ASTN2: variants seen among roughly 807,000 people sequenced by gnomAD.
ASTN2 encodes the protein astrotactin-2.
A neutral mutation model predicts 139.8 loss-of-function variants in ASTN2; 54 were observed. The observed-to-expected ratio is 0.39, with a 90% CI of 0.31 to 0.48. ASTN2 has a LOEUF of 0.48. Among genes scored for constraint, ASTN2 ranks in the 20% least tolerant of loss-of-function variants. The probability of loss-of-function intolerance (pLI) is 0.95; values close to 1 mark genes in which losing one functional copy is unlikely to be tolerated. For synonymous variants in ASTN2, 756 were observed against 719.5 expected (o/e 1.05, Z -0.81); for missense variants, 1,565 against 1,725.1 (o/e 0.91, Z 1.64).
At chr9:116,724,558 C>T (rs964965012) in intron 16 of ASTN2, among the ~76,000 whole-genome samples, 1 of 151,958 alleles carries the variant, frequency 6.6e-6, no homozygotes, top group African/African-American at 2.4e-5. Context: ...TGGTCTTGGC[C>T]CTGCCAAGCA....
At chr9:116,429,006 T>C (rs1392329379) in intron 22 of ASTN2, among the ~76,000 whole-genome samples, 4 of 151,972 alleles carry the variant, frequency 2.6e-5, no homozygotes, top group African/African-American at 9.7e-5. Flanking sequence ...TTCTGGTTGT[T>C]TGAGGAGAAC....
intron 2 of ASTN2, among the ~76,000 whole-genome samples, chr9:117,250,642 C>A (rs1432008733): frequency 6.6e-6 from 1 of 152,120 alleles, no homozygotes; most frequent in Non-Finnish European, 1.5e-5. Flanking sequence ...TTTGCCATGA[C>A]TTTAATGGCA....
chr9:116,533,865 G>A (rs952796203), intron 19 of ASTN2, among the ~76,000 whole-genome samples: 1 of 152,170 alleles, frequency 6.6e-6, no homozygotes, highest in African/African-American at 2.4e-5. Flanking sequence ...TCAGGATGAT[G>A]CTGGCCTCAT....
intron 13 of ASTN2, among the ~76,000 whole-genome samples, chr9:116,737,436 A>T (rs886363844): frequency 3.3e-5 from 5 of 150,658 alleles, no homozygotes; most frequent in African/African-American, 9.8e-5. Flanking sequence ...GGAATAATTC[A>T]GATTCTTAGC....
At chr9:116,985,861 G>T (rs1836663462) in intron 7 of ASTN2, among the ~76,000 whole-genome samples, 1 of 152,120 alleles carries the variant, frequency 6.6e-6, no homozygotes, top group African/African-American at 2.4e-5. Context: ...CTTCTCAGAT[G>T]CACCAGGAAG....
intron 10 of ASTN2, among the ~76,000 whole-genome samples, chr9:116,918,154 A>C (rs1834505342): frequency 6.6e-6 from 1 of 152,170 alleles, no homozygotes; most frequent in Non-Finnish European, 1.5e-5. Context: ...AAGTCCAATT[A>C]AACCTCTTTT....
chr9:116,801,839 AGTTTTC>A (rs1830868286), intron 13 of ASTN2, among the ~76,000 whole-genome samples: 1 of 151,924 alleles, frequency 6.6e-6, no homozygotes, highest in Non-Finnish European at 1.5e-5. Context: ...TAGTCTTGGG[AGTTTTC>A]TAAATCTTGA....
intron 1 of ASTN2, among the ~76,000 whole-genome samples, chr9:117,295,514 T>G (rs1834708027): frequency 6.6e-6 from 1 of 152,122 alleles, no homozygotes; most frequent in Non-Finnish European, 1.5e-5. Context: ...AAATAATTAC[T>G]GAATCACTGA....
intron 19 of ASTN2, among the ~76,000 whole-genome samples, chr9:116,591,112 T>C (rs966741081): frequency 2.8e-4 from 42 of 152,176 alleles, no homozygotes; most frequent in African/African-American, 9.7e-4. Flanking sequence ...CACCCCTTGC[T>C]CACCACATTG....
At chr9:116,588,041 T>C (rs569697274) in intron 19 of ASTN2, among the ~76,000 whole-genome samples, 4 of 152,248 alleles carry the variant, frequency 2.6e-5, no homozygotes, top group African/African-American at 9.6e-5. Flanking sequence ...TGGCCAGACT[T>C]CTCTCCTAGG....
intron 5 of ASTN2, among the ~76,000 whole-genome samples, chr9:117,050,209 G>A (rs766413381): frequency 1.3e-5 from 2 of 152,054 alleles, no homozygotes; most frequent in Non-Finnish European, 2.9e-5. Flanking sequence ...CAGAGCAAAA[G>A]AGCAGCCACA....
chr9:116,457,659 C>T (rs986054597), intron 20 of ASTN2, among the ~76,000 whole-genome samples: 2 of 152,178 alleles, frequency 1.3e-5, no homozygotes, highest in African/African-American at 4.8e-5. Context: ...GATGTCATCT[C>T]ACCCCAGTTA....
chr9:117,039,104 G>A (rs1046954630), intron 6 of ASTN2, among the ~76,000 whole-genome samples: 1 of 152,122 alleles, frequency 6.6e-6, no homozygotes. Flanking sequence ...ATGTCAGTAG[G>A]TTCTCTGAAG....
chr9:117,253,718 G>C (rs957607328), intron 2 of ASTN2, among the ~76,000 whole-genome samples: 1 of 152,152 alleles, frequency 6.6e-6, no homozygotes, highest in Non-Finnish European at 1.5e-5. Context: ...CTCTGACCAG[G>C]CAATATCTGA....
At chr9:116,993,676 T>C (rs1173259370) in intron 7 of ASTN2, among the ~76,000 whole-genome samples, 1 of 148,050 alleles carries the variant, frequency 6.8e-6, no homozygotes, top group Non-Finnish European at 1.5e-5. Flanking sequence ...AGTAACGAAA[T>C]ATATTTAGTA....
chr9:116,599,896 T>C (rs1588058488), intron 19 of ASTN2, among the ~76,000 whole-genome samples: 1 of 152,300 alleles, frequency 6.6e-6, no homozygotes, highest in East Asian at 1.9e-4. Context: ...ATTTAATGGC[T>C]GTGTTCAGAC....
intron 22 of ASTN2, among the ~76,000 whole-genome samples, chr9:116,435,351 T>A (rs1425286762): frequency 6.6e-6 from 1 of 152,194 alleles, no homozygotes; most frequent in Non-Finnish European, 1.5e-5. Flanking sequence ...TTGCTAATCC[T>A]TGAAAGGCAG....
intron 6 of ASTN2, among the ~76,000 whole-genome samples, chr9:117,039,144 A>G (rs1838478302): frequency 6.6e-6 from 1 of 152,220 alleles, no homozygotes; most frequent in East Asian, 1.9e-4. Flanking sequence ...TCACATTTGA[A>G]TTCTTCCTTT....
intron 10 of ASTN2, among the ~76,000 whole-genome samples, chr9:116,919,958 T>C (rs34390573): frequency 0.45 from 67,041 of 149,382 alleles, 17,950 homozygotes; most frequent in Non-Finnish European, 0.61. Flanking sequence ...AAAAAAAAAG[T>C]AATTTTTTAA....
Sources: gnomAD v4.1 joint callset for allele counts (sites outside exome capture counted in the v4.1 genomes callset) on GRCh38, gnomAD v4.1.1 for gene constraint, MANE v1.5 for transcripts, NCBI Gene and HGNC (gene_info 2026-07-23, HGNC 2026-07-21) for gene names.